WWOX: variants seen among roughly 807,000 people sequenced by gnomAD.
WWOX encodes the protein WW domain-containing oxidoreductase.
A neutral mutation model predicts 46.2 loss-of-function variants in WWOX; 69 were observed. That is an observed-to-expected ratio of 1.49 (90% CI 1.23 to 1.82). The LOEUF is 1.82. Ranked by LOEUF, WWOX falls within the 40% of genes most tolerant of loss-of-function variation. The pLI is 0.00. For missense variants in WWOX, 919 were observed against 542.6 expected (o/e 1.69, Z -6.89); for synonymous variants, 359 against 202.6 (o/e 1.77, Z -6.56).
intron 4 of WWOX, among the ~76,000 whole-genome samples, chr16:78,137,145 A>G (rs2033823737): frequency 6.6e-6 from 1 of 152,208 alleles, no homozygotes; most frequent in Admixed American, 6.5e-5. Context: ...ACCCAGAAAG[A>G]CACATCTGAA....
chr16:78,476,052 C>G (rs894642272), intron 8 of WWOX, among the ~76,000 whole-genome samples: 6 of 152,158 alleles, frequency 3.9e-5, no homozygotes, highest in Non-Finnish European at 5.9e-5. Flanking sequence ...TGATCACTCC[C>G]CAGTTTGACA....
rs2050649946 is a variant in WWOX, at chr16:79,169,057, G to A, written c.1057-42551G>A. Among the ~76,000 whole-genome samples, 3 of 152,124 alleles carry A rather than the reference G, an allele frequency of 2.0e-5. No homozygotes were observed. In the South Asian group the frequency reaches 6.2e-4, roughly 32 times the overall value. ...AATCTATTAGATACAAATTAATACG[G>A]GCAAGGCGTGTGCTAGCTGTTTTAT... On this transcript the variant is annotated intron_variant, in intron 8 of 8. Coordinates refer to ENST00000566780, the MANE Select transcript of WWOX (RefSeq NM_016373.4).
At chr16:78,421,828 G>C (rs1056687666) in intron 6 of WWOX, among the ~76,000 whole-genome samples, 1 of 151,966 alleles carries the variant, frequency 6.6e-6, no homozygotes, top group Admixed American at 6.6e-5. Context: ...GATATTAACT[G>C]TGCAATTTTT....
intron 5 of WWOX, among the ~76,000 whole-genome samples, chr16:78,351,903 C>T (rs2081192090): frequency 6.6e-6 from 1 of 152,192 alleles, no homozygotes; most frequent in African/African-American, 2.4e-5. Flanking sequence ...GTGATATGCG[C>T]CCCTCAGCCT....
intron 6 of WWOX, among the ~76,000 whole-genome samples, chr16:78,410,327 AC>A (rs2082649992): frequency 1.3e-5 from 2 of 152,234 alleles, no homozygotes; most frequent in Admixed American, 1.3e-4. Flanking sequence ...ACAAGGTCTT[AC>A]CCTTGATCAC....
At chr16:78,177,621 C>T (rs2035392822) in intron 5 of WWOX, among the ~76,000 whole-genome samples, 1 of 152,190 alleles carries the variant, frequency 6.6e-6, no homozygotes, top group African/African-American at 2.4e-5. Flanking sequence ...AGAGGGCAGG[C>T]AGCTCCTCTA....
rs538121279 is a variant in WWOX at position 78,739,979 on chromosome 16, C to T, written c.1056+307227C>T. Among the ~76,000 whole-genome samples, 33 of 152,216 alleles carry T rather than the reference C, an allele frequency of 2.2e-4. No homozygotes were observed. In the South Asian group the frequency reaches 6.0e-3, roughly 28 times the overall value. On this transcript the variant is annotated intron_variant, in intron 8 of 8. Transcript: ENST00000566780. Reference sequence around the variant, plus strand: ...ACTTACTCTCTCTAAATTATCTCACCGGTGGAGACATTGCCTCAGGAGTCG... The same window carrying T: ...ACTTACTCTCTCTAAATTATCTCACTGGTGGAGACATTGCCTCAGGAGTCG...
chr16:78,809,464 A>G (rs950754816), intron 8 of WWOX, among the ~76,000 whole-genome samples: 1 of 152,130 alleles, frequency 6.6e-6, no homozygotes, highest in Non-Finnish European at 1.5e-5. Flanking sequence ...TTTCAGGTTA[A>G]TATTAAAGTT....
chr16:79,034,364 A>G (rs1485613027), intron 8 of WWOX, among the ~76,000 whole-genome samples: 4 of 152,238 alleles, frequency 2.6e-5, no homozygotes, highest in Non-Finnish European at 4.4e-5. Flanking sequence ...GATTACATAA[A>G]TAATGAAATT....
intron 8 of WWOX, among the ~76,000 whole-genome samples, chr16:79,166,385 C>A (rs1414938211): frequency 6.6e-6 from 1 of 152,090 alleles, no homozygotes; most frequent in Non-Finnish European, 1.5e-5. Flanking sequence ...TAGTTTGCAG[C>A]TTTTCTTCCC....
chr16:78,099,740 A>C lies in WWOX; in HGVS notation c.-39A>C. On this transcript the variant is annotated 5_prime_UTR_variant, in exon 1 of 9. Transcript: ENST00000566780. The stretch of plus-strand genomic sequence containing the variant: ...GAGTTCCTGAGCGAGTGGACCCGGC[A>C]GCGGGCGATAGGGGGGCCAGGTGCC... The C allele has an allele frequency of 6.6e-7, 1 of 1,517,174 alleles. No homozygotes were observed. Among genetic ancestry groups the C allele is most frequent in the Non-Finnish European group, 8.8e-7 (1 of 1,132,942 alleles). 94.0% of individuals were successfully genotyped at this position (1,517,174 alleles called of 1,614,324 possible). A position where few individuals can be genotyped will look rare whatever the true frequency, so the allele number is the denominator to read the frequency against.
chr16:78,829,429 G>C (rs762623198), intron 8 of WWOX, among the ~76,000 whole-genome samples: 13 of 152,182 alleles, frequency 8.5e-5, no homozygotes, highest in Admixed American at 5.9e-4. Flanking sequence ...AGGGCAATCA[G>C]TTTTACTCAG....
chr16:78,982,011 A>T (rs199622571), intron 8 of WWOX, among the ~76,000 whole-genome samples: 1 of 152,142 alleles, frequency 6.6e-6, no homozygotes. Context: ...TCTCAGTTTC[A>T]ACATCTGTCT....
intron 8 of WWOX, among the ~76,000 whole-genome samples, chr16:78,860,217 T>C (rs954550870): frequency 6.6e-6 from 1 of 152,342 alleles, no homozygotes; most frequent in East Asian, 1.9e-4. Context: ...TACTGTGCTA[T>C]TATTTATACT....
At chr16:78,848,716 A>G (rs1215260309) in intron 8 of WWOX, among the ~76,000 whole-genome samples, 2 of 152,150 alleles carry the variant, frequency 1.3e-5, no homozygotes, top group African/African-American at 4.8e-5. Flanking sequence ...CCTCCTACCA[A>G]CAGGGTAATG....
chr16:79,020,327 C>G (rs1597286675), intron 8 of WWOX, among the ~76,000 whole-genome samples: 1 of 152,262 alleles, frequency 6.6e-6, no homozygotes, highest in East Asian at 1.9e-4. Context: ...GTTTTGTGAT[C>G]AAAACTATGG....
intron 8 of WWOX, among the ~76,000 whole-genome samples, chr16:78,991,943 C>A (rs1260645066): frequency 2.6e-5 from 4 of 152,176 alleles, no homozygotes; most frequent in African/African-American, 9.7e-5. Context: ...AAATAATTCT[C>A]AACACATATT....
chr16:78,869,314 G>T (rs1504886), intron 8 of WWOX, among the ~76,000 whole-genome samples: 2 of 152,008 alleles, frequency 1.3e-5, no homozygotes, highest in African/African-American at 2.4e-5. Context: ...AGAGTTGGTT[G>T]TGATTATCTT....
chr16:78,564,434 A>C (rs2044514323), intron 8 of WWOX, among the ~76,000 whole-genome samples: 1 of 152,156 alleles, frequency 6.6e-6, no homozygotes, highest in Non-Finnish European at 1.5e-5. Context: ...CCAGGGTTAT[A>C]TGCTACAGGG....
Sources: allele counts gnomAD v4.1 joint callset (sites outside exome capture counted in the v4.1 genomes callset), GRCh38; gene constraint gnomAD v4.1.1; transcripts MANE v1.5; gene names NCBI Gene and HGNC (gene_info 2026-07-23, HGNC 2026-07-21).